ENTREP2: variants seen among roughly 807,000 people sequenced by gnomAD.
The protein encoded by ENTREP2 is endosomal transmembrane epsin interactor 2, also known as protein ENTREP2.
the ENTREP2 span, among the ~76,000 whole-genome samples, chr15:29,429,190 T>C: frequency 2.1e-4 from 31 of 149,276 alleles, no homozygotes; most frequent in East Asian, 4.7e-3. Context: ...GATGTCTATC[T>C]ATCCATCCAT....
chr15:29,451,659 G>T, the ENTREP2 span, among the ~76,000 whole-genome samples: 845 of 152,330 alleles, frequency 5.5e-3, 13 homozygotes, highest in African/African-American at 0.019. Flanking sequence ...TTCACTATCA[G>T]TGAGGAATTA....
chr15:29,169,439 C>A, the ENTREP2 span, among the ~76,000 whole-genome samples: 1 of 152,196 alleles, frequency 6.6e-6, no homozygotes, highest in East Asian at 1.9e-4. Context: ...CACCACATTA[C>A]TTGTGTTGGG....
chr15:29,444,192 A>AC, the ENTREP2 span, among the ~76,000 whole-genome samples: 5,149 of 126,720 alleles, frequency 0.041, 309 homozygotes, highest in Non-Finnish European at 0.052. Context: ...GAAAGAAAGA[A>AC]AGAAAGAAAG....
chr15:29,541,071 C>G, the ENTREP2 span, among the ~76,000 whole-genome samples: 1 of 152,284 alleles, frequency 6.6e-6, no homozygotes, highest in Non-Finnish European at 1.5e-5. Context: ...CGCTATGGCT[C>G]GGGGCCTGGG....
chr15:29,243,212 A>G, the ENTREP2 span, among the ~76,000 whole-genome samples: 4 of 152,358 alleles, frequency 2.6e-5, no homozygotes, highest in East Asian at 7.7e-4. Flanking sequence ...TGTTGTATTT[A>G]ACAAAAACCC....
chr15:29,512,785 C>T, the ENTREP2 span, among the ~76,000 whole-genome samples: 3 of 152,122 alleles, frequency 2.0e-5, no homozygotes, highest in Admixed American at 2.0e-4. Context: ...TTATGGTATC[C>T]CATTAGAGAG....
the ENTREP2 span, among the ~76,000 whole-genome samples, chr15:29,606,731 A>ATT: frequency 6.0e-5 from 9 of 150,290 alleles, no homozygotes; most frequent in African/African-American, 2.2e-4. Flanking sequence ...GGTTCAAATG[A>ATT]TTTTTTTTTT....
chr15:29,356,425 CCTCCCGA>C, the ENTREP2 span, among the ~76,000 whole-genome samples: 1 of 149,496 alleles, frequency 6.7e-6, no homozygotes, highest in Non-Finnish European at 1.5e-5. Context: ...TCCCACCTCG[CCTCCCGA>C]GTAGCTGGGA....
the ENTREP2 span, among the ~76,000 whole-genome samples, chr15:29,171,822 C>T: frequency 3.2e-4 from 49 of 152,224 alleles, no homozygotes; most frequent in Non-Finnish European, 5.3e-4. Flanking sequence ...GCAGCTTTAG[C>T]CACTATGTGA....
At chr15:29,273,272 C>T in the ENTREP2 span, among the ~76,000 whole-genome samples, 1 of 148,430 alleles carries the variant, frequency 6.7e-6, no homozygotes, top group Non-Finnish European at 1.5e-5. Context: ...GATCTTGGCT[C>T]ACTGCAACCT....
At chr15:29,333,803 C>A in the ENTREP2 span, among the ~76,000 whole-genome samples, 1 of 151,998 alleles carries the variant, frequency 6.6e-6, no homozygotes, top group African/African-American at 2.4e-5. Context: ...ATGCTATTGA[C>A]TAAGATGAGG....
At chr15:29,501,901 GAA>G in the ENTREP2 span, among the ~76,000 whole-genome samples, 1 of 151,610 alleles carries the variant, frequency 6.6e-6, no homozygotes, top group African/African-American at 2.4e-5. Flanking sequence ...AAAATGAAAT[GAA>G]AAAGACAATT....
chr15:29,119,672 CAAAAAAAAA>C, the ENTREP2 span, among the ~76,000 whole-genome samples: 2 of 101,584 alleles, frequency 2.0e-5, 1 homozygote, highest in African/African-American at 1.1e-4. Context: ...ACAATTCTAG[CAAAAAAAAA>C]AAAAAAAAAA....
At chr15:29,485,064 G>A in the ENTREP2 span, among the ~76,000 whole-genome samples, 1 of 152,244 alleles carries the variant, frequency 6.6e-6, no homozygotes, top group African/African-American at 2.4e-5. Flanking sequence ...TCTGGCCTGG[G>A]ACATCAGCAA....
chr15:29,548,539 C>A, the ENTREP2 span, among the ~76,000 whole-genome samples: 1 of 150,728 alleles, frequency 6.6e-6, no homozygotes, highest in Admixed American at 6.6e-5. Context: ...GCTGAATATA[C>A]TGAAATATAC....
At chr15:29,224,922 T>C in the ENTREP2 span, among the ~76,000 whole-genome samples, 1 of 152,016 alleles carries the variant, frequency 6.6e-6, no homozygotes, top group Non-Finnish European at 1.5e-5. Flanking sequence ...GGGCTGCAGG[T>C]CCGGAGCCCT....
the ENTREP2 span, among the ~76,000 whole-genome samples, chr15:29,474,801 C>T: frequency 6.6e-6 from 1 of 152,086 alleles, no homozygotes; most frequent in South Asian, 2.1e-4. Flanking sequence ...GTGATTTACT[C>T]GCGCCTCAGC....
At chr15:29,527,919 A>G in the ENTREP2 span, among the ~76,000 whole-genome samples, 2 of 152,040 alleles carry the variant, frequency 1.3e-5, no homozygotes, top group African/African-American at 2.4e-5. Context: ...ATTATGACAA[A>G]CTAGGGCTGA....
the ENTREP2 span, among the ~76,000 whole-genome samples, chr15:29,368,867 C>CAAG: frequency 4.6e-5 from 7 of 151,186 alleles, no homozygotes; most frequent in Admixed American, 2.0e-4. Context: ...AGAGACAGAA[C>CAAG]AAGACTCTGT....
Sources: allele counts gnomAD v4.1 joint callset (sites outside exome capture counted in the v4.1 genomes callset), GRCh38; gene constraint gnomAD v4.1.1; transcripts MANE v1.5; gene names NCBI Gene and HGNC (gene_info 2026-07-23, HGNC 2026-07-21).